The following CHD4 variants were observed in gnomAD, a reference collection of about 807,000 sequenced individuals.
The protein encoded by CHD4 is chromodomain helicase DNA binding protein 4.
Under a neutral mutation model 235.5 loss-of-function variants are expected in CHD4, and 35 were observed. The observed-to-expected ratio is 0.15, with a 90% CI of 0.11 to 0.20. The LOEUF (loss-of-function observed/expected upper bound fraction) is 0.20. Ranked by LOEUF, CHD4 falls within the 10% of genes least tolerant of loss-of-function variation. The pLI, the probability that CHD4 is intolerant of heterozygous loss-of-function variation, is 1.00. For synonymous variants in CHD4, 900 were observed against 850.2 expected (o/e 1.06, Z -1.02); for missense variants, 1,329 against 2,432.3 (o/e 0.55, Z 9.54).
Position 6,601,050 on chromosome 12 carries a change from G to C in CHD4, c.803C>G (p.Pro268Arg). 2 of 1,568,420 alleles carry C rather than the reference G, an allele frequency of 1.3e-6. No homozygotes were observed. Among genetic ancestry groups the C allele is most frequent in the South Asian group, 1.2e-5 (1 of 84,220 alleles). Residue 268 changes from proline to arginine, a missense_variant, in exon 7 of 40, where the codon CCC (proline) becomes CGC (arginine). This residue lies in a region of CHD4 where 160 missense variants were observed against 196.6 expected (regional missense o/e 0.81). Coordinates refer to ENST00000544040, the MANE Select transcript of CHD4 (RefSeq NM_001273.5). ...GCCCTTGGGCTTCCTCCGAGCATTG[G>C]GACCTAAAATCAGGATATATCCAAA... The part of the protein sequence containing the change: ...RKAKTKEGKG[P>R]NARRKPKGSP...
intron 25 of CHD4, among the ~76,000 whole-genome samples, chr12:6,585,470 G>A (rs2136206172): frequency 6.6e-6 from 1 of 151,718 alleles, no homozygotes; most frequent in African/African-American, 2.4e-5. Context: ...TTTTAGTAGA[G>A]ACGGGGTTTC....
chr12:6,596,056 A>T lies in CHD4; in HGVS notation c.1974T>A (p.Asp658Glu). Residue 658 changes from aspartate to glutamate, a missense_variant, in exon 13 of 40, where the codon GAT (aspartate) becomes GAA (glutamate). By Grantham distance (45) the Asp-to-Glu change is conservative. Around this residue, in one of 26 missense-constraint regions of CHD4, gnomAD observed 121 missense variants for 177.8 expected, o/e 0.68. Coordinates refer to ENST00000544040, the MANE Select transcript of CHD4 (RefSeq NM_001273.5). ...PYDQASWESE[D>E]VEIQDYDLFK... is the part of the protein sequence containing the mutation. ...ACAGGTCGTAATCCTGGATCTCCACATCCTCACTCTCCCAAGAAGCCTGAT... is the reference window on the plus strand; with the variant it reads ...ACAGGTCGTAATCCTGGATCTCCACTTCCTCACTCTCCCAAGAAGCCTGAT... 6.2e-7 allele frequency: 1 copy of T among 1,613,928 alleles called. No homozygotes were observed. Among genetic ancestry groups the T allele is most frequent in the Non-Finnish European group, 8.5e-7 (1 of 1,179,984 alleles).
chr12:6,573,861 T>C (rs1451744715), intron 37 of CHD4, among the ~76,000 whole-genome samples: 1 of 151,906 alleles, frequency 6.6e-6, no homozygotes, highest in African/African-American at 2.4e-5. Context: ...CCGTCTCTAC[T>C]AAAAACACAA....
At chr12:6,580,973 C>T (rs1005704585) in intron 33 of CHD4, 71 bp downstream of exon 33, 1 of 1,571,226 alleles carries the variant, frequency 6.4e-7, no homozygotes, top group Non-Finnish European at 8.7e-7. Flanking sequence ...CGCCACAGCA[C>T]TCCAGCCTGG....
Position 6,593,370 on chromosome 12 carries a change from G to A in CHD4, c.2514+46C>T, listed in dbSNP as rs755376144. On this transcript the variant is annotated intron_variant, in intron 16 of 39. Coordinates refer to ENST00000544040, the MANE Select transcript of CHD4 (RefSeq NM_001273.5). This position sits in a 1 kb window ranked among gnomAD's most constrained non-coding sequence, Gnocchi z 4.9. ...GATCACAAGGAGGTAAACTAAGCCAGAAGCCACAACTCTTTCTCTAGGGTG... is the reference window on the plus strand; with the variant it reads ...GATCACAAGGAGGTAAACTAAGCCAAAAGCCACAACTCTTTCTCTAGGGTG... 1.9e-6 allele frequency: 3 copies of A among 1,607,052 alleles called. No individual in the cohort carries two copies. Among genetic ancestry groups the A allele is most frequent in the South Asian group, 1.1e-5 (1 of 90,784 alleles).
At chr12:6,599,159 T>C (rs975149580) in intron 10 of CHD4, among the ~76,000 whole-genome samples, 4 of 152,232 alleles carry the variant, frequency 2.6e-5, no homozygotes, top group African/African-American at 9.7e-5. Flanking sequence ...CTGGCTGGCA[T>C]GGTGGTAAAC....
chr12:6,605,549 C>A (rs893646003), intron 2 of CHD4, among the ~76,000 whole-genome samples: 1 of 152,154 alleles, frequency 6.6e-6, no homozygotes, highest in Non-Finnish European at 1.5e-5. Context: ...CAGCCTAAAC[C>A]GCAGGCTACC....
At position 6,602,025 on chromosome 12, in the gene CHD4, C is replaced by G. The variant is rs1396469404; in HGVS notation, c.373G>C (p.Glu125Gln). 6.2e-7 allele frequency: 1 copy of G among 1,612,440 alleles called. No individual in the cohort carries two copies. Among genetic ancestry groups the G allele is most frequent in the Non-Finnish European group, 8.5e-7 (1 of 1,179,928 alleles). ...KKKKKLGPKK[E>Q]KKSKSKRKEE... ...TTCCGCTTGGATTTGCTCTTCTTCT[C>G]TTTCTTAGGTCCAAGCTTCTTCTTC... Residue 125 changes from glutamate (E) to glutamine (Q), a missense_variant, in exon 4 of 40, where the codon GAG (glutamate) becomes CAG (glutamine). By Grantham distance (29) the Glu-to-Gln change is conservative. Transcript: ENST00000544040.
intron 2 of CHD4, among the ~76,000 whole-genome samples, chr12:6,605,326 G>A (rs1167742666): frequency 6.6e-6 from 1 of 152,168 alleles, no homozygotes; most frequent in African/African-American, 2.4e-5. Flanking sequence ...TCAAGGAGAT[G>A]AGTAGGTGAC....
chr12:6,596,177 G>A (rs1220511495), intron 12 of CHD4, 40 bp from the exon 13 acceptor site: 1 of 1,608,262 alleles, frequency 6.2e-7, no homozygotes, highest in East Asian at 2.2e-5. Context: ...GCCAGAAAAG[G>A]CAACCCTCCT....
At chr12:6,576,574 A>G (rs1224775007) in intron 37 of CHD4, among the ~76,000 whole-genome samples, 1 of 152,060 alleles carries the variant, frequency 6.6e-6, no homozygotes, top group Non-Finnish European at 1.5e-5. Flanking sequence ...TTAAATGCTG[A>G]GATTAGCCAC....
chr12:6,591,844 A>G lies in CHD4; in HGVS notation c.3091-19T>C. The stretch of plus-strand genomic sequence containing the variant: ...GAGCTTCCTGAGAACAAATGCAAAG[A>G]AAAAAGTATTAAAAGAAAGCCCACA... On this transcript the variant is annotated intron_variant, in intron 20 of 39. Transcript: ENST00000544040. 1.9e-6 allele frequency: 3 copies of G among 1,613,894 alleles called. No individual in the cohort carries two copies. Among genetic ancestry groups the G allele is most frequent in the Non-Finnish European group, 2.5e-6 (3 of 1,179,940 alleles).
chr12:6,570,731 A>T, intron 39 of CHD4, 38 bp from the exon 40 acceptor site: 1 of 1,614,046 alleles, frequency 6.2e-7, no homozygotes, highest in Non-Finnish European at 8.5e-7. Flanking sequence ...ATTCCAGATG[A>T]TAGGAATCCA....
intron 8 of CHD4, 28 bp downstream of exon 8, chr12:6,600,506 A>G (rs1948570553): frequency 6.4e-7 from 1 of 1,572,082 alleles, no homozygotes; most frequent in South Asian, 1.1e-5. Context: ...ACCTCATCCC[A>G]TCACAAATAT....
At chr12:6,585,788 CAA>C (rs112684697) in intron 25 of CHD4, among the ~76,000 whole-genome samples, 32,534 of 132,294 alleles carry the variant, frequency 0.25, 4,882 homozygotes, top group African/African-American at 0.46. Context: ...GACTCTGTCT[CAA>C]AAAAAAAAAA....
chr12:6,597,116 A>G (rs565102071), intron 12 of CHD4, among the ~76,000 whole-genome samples: 115 of 149,180 alleles, frequency 7.7e-4, no homozygotes, highest in Non-Finnish European at 1.0e-3. Context: ...AAAAATACAA[A>G]AAAAAAAAAA....
chr12:6,577,708 CAG>C lies in CHD4; in HGVS notation c.5361+75_5361+76del, dbSNP rs572605696. 116 of 1,576,540 alleles carry C rather than the reference CAG, an allele frequency of 7.4e-5. 1 individual carries two copies. In the Middle Eastern group the frequency reaches 2.0e-3, roughly 27 times the overall value. ...AAGTGAGAACAGTGCGCTGGATGGA[CAG>C]ACTCCCTCTGCTGCAGGACGTTACG... On this transcript the variant is annotated intron_variant, in intron 37 of 39. Coordinates refer to ENST00000544040, the MANE Select transcript of CHD4 (RefSeq NM_001273.5).
rs138784875 is a variant in CHD4, at chr12:6,605,511, G to A, written c.100+763C>T. Among the ~76,000 whole-genome samples the A allele has an allele frequency of 3.0e-4, 45 of 152,228 alleles. No homozygotes were observed. The East Asian group carries it at 5.4e-3, about 18-fold the overall frequency. ...CAAAACACAGATAGCGTAACCCCTA[G>A]CACACCTACACAGACACTTCACACT... On this transcript the variant is annotated intron_variant, in intron 2 of 39. Coordinates refer to ENST00000544040, the MANE Select transcript of CHD4 (RefSeq NM_001273.5).
chr12:6,582,894 T>A lies in CHD4; in HGVS notation c.4190A>T (p.Asp1397Val). The A allele has an allele frequency of 6.2e-7, 1 of 1,614,036 alleles. No individual in the cohort carries two copies. Among genetic ancestry groups the A allele is most frequent in the Non-Finnish European group, 8.5e-7 (1 of 1,180,028 alleles). ...GGCCAACAGAGGAGGCAATGGCTTA[T>A]CTTTATCATTCCGCAGGCCCTTACG... The part of the protein sequence containing the change: ...PSRKGLRNDK[D>V]KPLPPLLARV... The change falls in exon 28 of 40, where the codon GAT (aspartate) becomes GTT (valine). Residue 1397 changes from aspartate (D) to valine (V), a missense_variant. By Grantham distance (152) the Asp-to-Val change is radical. This residue lies in a region of CHD4 where 46 missense variants were observed against 85.6 expected (regional missense o/e 0.54). Coordinates refer to ENST00000544040, the MANE Select transcript of CHD4 (RefSeq NM_001273.5).
Sources: allele counts gnomAD v4.1 joint callset (sites outside exome capture counted in the v4.1 genomes callset), GRCh38; gene constraint gnomAD v4.1.1; regional missense constraint gnomAD v4.1.1; non-coding constraint Gnocchi (gnomAD v3.1); transcripts MANE v1.5; gene names NCBI Gene and HGNC (gene_info 2026-07-23, HGNC 2026-07-21).